Variants in RNF34 observed in about 807,000 individuals in gnomAD.
RNF34 encodes ring finger protein 34.
Under a neutral mutation model 37.9 loss-of-function variants are expected in RNF34, and 12 were observed. The ratio of observed to expected loss-of-function variants is 0.32; its 90% CI spans 0.20 to 0.51. RNF34 has a LOEUF of 0.51. Ranked by LOEUF, RNF34 falls within the 20% of genes least tolerant of loss-of-function variation. The pLI, the probability that RNF34 is intolerant of heterozygous loss-of-function variation, is 0.97. For missense variants in RNF34, 362 were observed against 472.7 expected (o/e 0.77, Z 2.17); for synonymous variants, 155 against 177.2 (o/e 0.87, Z 1.00).
chr12:121,404,449 C>T (rs1394992650), intron 1 of RNF34, among the ~76,000 whole-genome samples: 4 of 115,932 alleles, frequency 3.5e-5, no homozygotes, highest in Non-Finnish European at 6.5e-5. Flanking sequence ...GGCTGGAGTG[C>T]GGTGGCACCA....
chr12:121,403,396 C>CAA (rs1249703308), intron 1 of RNF34, among the ~76,000 whole-genome samples: 3 of 84,576 alleles, frequency 3.5e-5, no homozygotes, highest in African/African-American at 1.2e-4. Flanking sequence ...ACTCTGTCTC[C>CAA]AAAAAAAAAA....
intron 1 of RNF34, among the ~76,000 whole-genome samples, chr12:121,414,498 A>G (rs1871377042): frequency 6.6e-6 from 1 of 152,186 alleles, no homozygotes. Context: ...TGGTGGCTCA[A>G]AGAGAGGGAA....
rs1555279831 is a variant in RNF34, at chr12:121,400,233, G to A, written c.6+15G>A. 1 of 1,608,088 alleles carries A rather than the reference G, an allele frequency of 6.2e-7. No individual in the cohort carries two copies. The highest frequency in any genetic ancestry group is 8.5e-7 in the Non-Finnish European group (1 of 1,178,306). On this transcript the variant is annotated intron_variant, in intron 1 of 5. Coordinates refer to ENST00000361234, the MANE Select transcript of RNF34 (RefSeq NM_025126.4). Reference sequence around the variant, plus strand: ...CGGCCATGAAGGTGAGGGGCCGGTGGAGCCGGACAGACCCTCCTCGCCAAT... The same window carrying A: ...CGGCCATGAAGGTGAGGGGCCGGTGAAGCCGGACAGACCCTCCTCGCCAAT...
Position 121,400,161 on chromosome 12 carries a change from C to G in RNF34, c.-52C>G. 1 of 1,599,738 alleles carries G rather than the reference C, an allele frequency of 6.3e-7. No individual in the cohort carries two copies. On this transcript the variant is annotated 5_prime_UTR_variant, in exon 1 of 6. Coordinates refer to ENST00000361234, the MANE Select transcript of RNF34 (RefSeq NM_025126.4). ...AGGAGGTCGGCAGTGTGAGGAGCTG[C>G]TATGGTGCTGAGTTTCCTGGTAGAG...
In RNF34 at chr12:121,416,310, C is replaced by T; in HGVS notation, c.158C>T (p.Ala53Val). ...PNPEFSTYPP[A>V]ATEGPNIVCK... ...CCTGAGTTTTCCACCTACCCACCAG[C>T]AGCTACGGAAGGGCCCAACATAGTT... The change falls in exon 2 of 6, where the codon GCA becomes GTA. Residue 53 changes from alanine (A) to valine (V), a missense_variant. Physicochemically the swap from Ala to Val is moderately conservative, Grantham distance 64. Transcript: ENST00000361234. The T allele has an allele frequency of 6.2e-7, 1 of 1,614,126 alleles. No homozygotes were observed. The highest frequency in any genetic ancestry group is 2.2e-5 in the East Asian group (1 of 44,876).
At position 121,400,189 on chromosome 12, in the gene RNF34, G is replaced by A. The variant is rs965970893; in HGVS notation, c.-24G>A. ...TGGTGCTGAGTTTCCTGGTAGAGCC[G>A]GCCGAGCTGAGGCGGTCGCGGCCAT... is the stretch of plus-strand genomic sequence containing the variant. On this transcript the variant is annotated 5_prime_UTR_variant, in exon 1 of 6. Transcript: ENST00000361234. 8 of 1,607,838 alleles carry A rather than the reference G, an allele frequency of 5.0e-6. No homozygotes were observed. The highest frequency in any genetic ancestry group is 6.8e-6 in the Non-Finnish European group (8 of 1,178,616).
intron 1 of RNF34, among the ~76,000 whole-genome samples, chr12:121,401,764 G>A (rs1451773497): frequency 3.9e-5 from 6 of 152,190 alleles, no homozygotes; most frequent in African/African-American, 7.2e-5. Flanking sequence ...ACAGACGTGT[G>A]TTTTGAATTG....
intron 1 of RNF34, among the ~76,000 whole-genome samples, chr12:121,405,530 C>G (rs893339423): frequency 6.6e-6 from 1 of 152,190 alleles, no homozygotes; most frequent in Non-Finnish European, 1.5e-5. Context: ...GTCACCTAGG[C>G]TGGAGTGCAG....
intron 1 of RNF34, among the ~76,000 whole-genome samples, chr12:121,410,533 T>C (rs1234373605): frequency 7.9e-6 from 1 of 126,188 alleles, no homozygotes; most frequent in Non-Finnish European, 1.6e-5. Context: ...CAAGATTCTG[T>C]CTCAAAACCA....
intron 1 of RNF34, 139 bp downstream of exon 1, chr12:121,400,357 C>T (rs1869852718): frequency 4.7e-6 from 5 of 1,072,220 alleles, no homozygotes; most frequent in South Asian, 3.2e-5. Flanking sequence ...GTCGCTTGCC[C>T]GGCTTCAGGT....
chr12:121,407,356 T>C (rs2136911979), intron 1 of RNF34, among the ~76,000 whole-genome samples: 1 of 152,332 alleles, frequency 6.6e-6, no homozygotes, highest in East Asian at 1.9e-4. Context: ...GGCACCACTT[T>C]GGAATTGAGG....
intron 1 of RNF34, among the ~76,000 whole-genome samples, chr12:121,411,012 A>G (rs1419280123): frequency 1.3e-5 from 2 of 152,094 alleles, no homozygotes; most frequent in African/African-American, 4.8e-5. Flanking sequence ...ATAGCTCACC[A>G]TAGTCTCAAC....
At chr12:121,422,737 A>AACTTATTCATCGTCTT (rs1555283607) in intron 5 of RNF34, among the ~76,000 whole-genome samples, 1 of 152,088 alleles carries the variant, frequency 6.6e-6, no homozygotes, top group East Asian at 1.9e-4. Flanking sequence ...ACTTTTTTTT[A>AACTTATTCATCGTCTT]ACTTATTCAT....
chr12:121,412,773 G>A (rs1871208227), intron 1 of RNF34, among the ~76,000 whole-genome samples: 1 of 145,162 alleles, frequency 6.9e-6, no homozygotes, highest in Non-Finnish European at 1.5e-5. Context: ...CACCCAGGCT[G>A]GAGTGCAGTG....
At chr12:121,401,526 A>T (rs2136888567) in intron 1 of RNF34, among the ~76,000 whole-genome samples, 1 of 152,298 alleles carries the variant, frequency 6.6e-6, no homozygotes, top group South Asian at 2.1e-4. Context: ...ATAAAATATT[A>T]TTACAGCTTG....
At position 121,416,169 on chromosome 12, in the gene RNF34, C is replaced by T; in HGVS notation, c.17C>T (p.Thr6Met). Residue 6 changes from threonine (T) to methionine (M), a missense_variant, in exon 2 of 6, where the codon ACG (threonine) becomes ATG (methionine). Physicochemically the swap from Thr to Met is moderately conservative, Grantham distance 81. Coordinates refer to ENST00000361234, the MANE Select transcript of RNF34 (RefSeq NM_025126.4). The part of the protein sequence containing the change: MKAGA[T>M]SMWASCCGLL... ...TGTGTTCCTTTTTAGGCGGGTGCCA[C>T]GTCTATGTGGGCTTCGTGCTGTGGG... The T allele has an allele frequency of 3.7e-6, 6 of 1,613,914 alleles. No individual in the cohort carries two copies. Among genetic ancestry groups the T allele is most frequent in the South Asian group, 1.1e-5 (1 of 91,082 alleles).
At chr12:121,415,673 A>G (rs1426038548) in intron 1 of RNF34, among the ~76,000 whole-genome samples, 1 of 152,082 alleles carries the variant, frequency 6.6e-6, no homozygotes, top group Non-Finnish European at 1.5e-5. Context: ...GTTAAATAAT[A>G]GCTGAGAAAA....
At chr12:121,403,448 A>G (rs767023354) in intron 1 of RNF34, among the ~76,000 whole-genome samples, 1 of 151,518 alleles carries the variant, frequency 6.6e-6, no homozygotes, top group Non-Finnish European at 1.5e-5. Context: ...TTGCTTTTTT[A>G]TCAACTGTTT....
At chr12:121,407,105 T>C (rs572409987) in intron 1 of RNF34, among the ~76,000 whole-genome samples, 28 of 152,228 alleles carry the variant, frequency 1.8e-4, no homozygotes, top group African/African-American at 5.8e-4. Context: ...TTGTTCTTTC[T>C]AAACTGTTAG....
Sources: gnomAD v4.1 joint callset for allele counts (sites outside exome capture counted in the v4.1 genomes callset) on GRCh38, gnomAD v4.1.1 for gene constraint, MANE v1.5 for transcripts, NCBI Gene and HGNC (gene_info 2026-07-23, HGNC 2026-07-21) for gene names.